Variants in EIF3B observed in about 807,000 individuals in gnomAD.
EIF3B encodes eukaryotic translation initiation factor 3 subunit B, also known as eukaryotic translation initiation factor 3 subunit 9.
Under a neutral mutation model 104.6 loss-of-function variants are expected in EIF3B, and 10 were observed. The observed-to-expected ratio is 0.10, with a 90% confidence interval of 0.06 to 0.16. EIF3B has a LOEUF of 0.16. Among genes scored for constraint, EIF3B ranks in the 10% least tolerant of loss-of-function variants. The probability of loss-of-function intolerance (pLI) is 1.00; values close to 1 mark genes in which losing one functional copy is unlikely to be tolerated. For missense variants in EIF3B, 1,014 were observed against 1,087.9 expected, an observed-to-expected ratio of 0.93 and a Z score of 0.96; for synonymous variants, 542 against 417.2, an observed-to-expected ratio of 1.30 and a Z score of -3.65.
In EIF3B at chr7:2,363,742, C is replaced by G. The variant is rs201106605; in HGVS notation, c.981C>G (p.Val327=). 5.0e-6 allele frequency: 8 copies of G among 1,613,968 alleles called. No homozygotes were observed. The African/African-American group carries it at 8.0e-5, about 16-fold the overall frequency. ...TCTGGAATGACGTAAAAGACCCTGT[C>G]TCAATTGAAGAAAGAGCGGTGTGTA... is the stretch of plus-strand genomic sequence containing the variant. ...SIFWNDVKDP[V]SIEERARWTE... is the part of the protein sequence containing the mutation. The change falls in exon 5 of 19, where the codon GTC becomes GTG. Residue 327 remains valine, a synonymous_variant. Transcript: ENST00000360876.
chr7:2,366,670 C>A, intron 8 of EIF3B, 79 bp downstream of exon 8: 1 of 1,524,296 alleles, frequency 6.6e-7, no homozygotes, highest in Non-Finnish European at 9.1e-7. Flanking sequence ...CTTATTTGTG[C>A]TAGAAGAGGA....
At chr7:2,362,008 G>A (rs980956776) in intron 2 of EIF3B, among the ~76,000 whole-genome samples, 4 of 152,040 alleles carry the variant, frequency 2.6e-5, no homozygotes, top group African/African-American at 9.7e-5. Context: ...CACCCAGGCT[G>A]GAGTGCAGTG....
chr7:2,369,600 A>T lies in EIF3B; in HGVS notation c.1532A>T (p.Asn511Ile). Residue 511 changes from asparagine to isoleucine, a missense_variant, in exon 10 of 19, where the codon AAT becomes ATT. Physicochemically the swap from Asn to Ile is moderately radical, Grantham distance 149. Transcript: ENST00000360876. ...GAGATCCGAGTGAGGAACCTGTTCA[A>T]TGTGGTGGACTGCAAGCTCCATTGG... The part of the protein sequence containing the change: ...RQEIRVRNLF[N>I]VVDCKLHWQK... The T allele has an allele frequency of 3.1e-6, 5 of 1,614,042 alleles. No individual in the cohort carries two copies. The highest frequency in any genetic ancestry group is 4.2e-6 in the Non-Finnish European group (5 of 1,180,010).
chr7:2,366,515 T>C lies in EIF3B; in HGVS notation c.1290-10T>C, dbSNP rs370608315. 4 of 1,614,058 alleles carry C rather than the reference T, an allele frequency of 2.5e-6. No homozygotes were observed. In the African/African-American group the frequency reaches 5.3e-5, roughly 22 times the overall value. On this transcript the variant is annotated splice_polypyrimidine_tract_variant and intron_variant, in intron 7 of 18. Coordinates refer to ENST00000360876, the MANE Select transcript of EIF3B (RefSeq NM_001037283.2). The stretch of plus-strand genomic sequence containing the variant: ...TCATGGGAATACCCTGGCACTTTTG[T>C]TTTTCTTAGGTGGAGCCATGATGGC...
chr7:2,363,359 T>C (rs1451101005), intron 4 of EIF3B, among the ~76,000 whole-genome samples: 3 of 151,898 alleles, frequency 2.0e-5, no homozygotes, highest in Non-Finnish European at 4.4e-5. Flanking sequence ...CCTGGGAGGC[T>C]GAGGGGGGAG....
intron 9 of EIF3B, among the ~76,000 whole-genome samples, chr7:2,367,479 G>T: frequency 6.6e-6 from 1 of 151,886 alleles, no homozygotes; most frequent in East Asian, 1.9e-4. Flanking sequence ...TCAGCTTTTT[G>T]TTGTTGTTGT....
At chr7:2,367,117 AAAC>A (rs1217922589) in intron 9 of EIF3B, 72 bp downstream of exon 9, 389 of 1,337,354 alleles carry the variant, frequency 2.9e-4, no homozygotes, top group Non-Finnish European at 3.7e-4. Flanking sequence ...AAAAAAAAAA[AAAC>A]ACAATACCAT....
At chr7:2,375,909 C>T (rs552809443) in intron 14 of EIF3B, 8 of 187,748 alleles carry the variant, frequency 4.3e-5, no homozygotes, top group South Asian at 3.0e-4. Context: ...ACCCACAACT[C>T]GTATTCCAAA....
rs993755036 is a variant in EIF3B, at chr7:2,360,741, C to G, written c.531C>G (p.Pro177=). 6.3e-7 allele frequency: 1 copy of G among 1,596,116 alleles called. No individual in the cohort carries two copies. Among genetic ancestry groups the G allele is most frequent in the Admixed American group, 1.7e-5 (1 of 59,448 alleles). The change falls in exon 2 of 19, where the codon CCC becomes CCG. Residue 177 remains proline (P), a synonymous_variant. Transcript: ENST00000360876. ...ELLGDVLKDR[P]QEADGIDSVI... ...TGGGAGATGTACTCAAAGATCGGCC[C>G]CAGGAAGCAGATGGAATCGATTCGG... is the stretch of plus-strand genomic sequence containing the variant.
chr7:2,371,027 C>A (rs562979458), intron 10 of EIF3B, among the ~76,000 whole-genome samples: 1 of 152,216 alleles, frequency 6.6e-6, no homozygotes, highest in East Asian at 1.9e-4. Context: ...TGCACCACTG[C>A]ACTCCAGCCT....
chr7:2,378,770 A>T lies in EIF3B; in HGVS notation c.2232+4A>T, dbSNP rs1454686912. 1.9e-6 allele frequency: 3 copies of T among 1,613,204 alleles called. No individual in the cohort carries two copies. In the Admixed American group the frequency reaches 5.0e-5, roughly 27 times the overall value. On this transcript the variant is annotated splice_donor_region_variant and intron_variant, in intron 16 of 18. Coordinates refer to ENST00000360876, the MANE Select transcript of EIF3B (RefSeq NM_001037283.2). ...GAGTCAGTCCAAAGCCTCAAAGGTGAGCCTCATTCCCAAAATGAGGGCTGT... is the reference window on the plus strand; with the variant it reads ...GAGTCAGTCCAAAGCCTCAAAGGTGTGCCTCATTCCCAAAATGAGGGCTGT...
intron 9 of EIF3B, among the ~76,000 whole-genome samples, chr7:2,368,959 T>C (rs968143978): frequency 3.3e-5 from 5 of 152,238 alleles, no homozygotes; most frequent in Admixed American, 1.3e-4. Flanking sequence ...AAAGATGTTT[T>C]TCATGTAGGT....
At chr7:2,367,580 C>G (rs1375851640) in intron 9 of EIF3B, among the ~76,000 whole-genome samples, 4 of 152,084 alleles carry the variant, frequency 2.6e-5, no homozygotes, top group Admixed American at 1.3e-4. Context: ...AGTGATTCTT[C>G]TGCCTCAACC....
At position 2,378,764 on chromosome 7, in the gene EIF3B, A is replaced by G. The variant is rs1403998405; in HGVS notation, c.2230A>G (p.Lys744Glu). The change falls in exon 16 of 19, where the codon AAG becomes GAG. Residue 744 changes from lysine to glutamate, a missense_variant and splice_region_variant. Coordinates refer to ENST00000360876, the MANE Select transcript of EIF3B (RefSeq NM_001037283.2). ...KDRLSQSKAS[K>E]ELVERRRTMM... ...TCGTTTGAGTCAGTCCAAAGCCTCA[A>G]AGGTGAGCCTCATTCCCAAAATGAG... The G allele has an allele frequency of 6.2e-6, 10 of 1,613,574 alleles. No individual in the cohort carries two copies. The highest frequency in any genetic ancestry group is 3.3e-5 in the Admixed American group (2 of 60,008).
intron 10 of EIF3B, among the ~76,000 whole-genome samples, chr7:2,370,666 T>G (rs1311001694): frequency 6.6e-6 from 1 of 152,120 alleles, no homozygotes; most frequent in Non-Finnish European, 1.5e-5. Context: ...CAGAACGTTT[T>G]CATCGGCTGG....
At chr7:2,366,167 G>A (rs1214882528) in intron 6 of EIF3B, 150 bp from the exon 7 acceptor site, 19 of 728,876 alleles carry the variant, frequency 2.6e-5, no homozygotes, top group Admixed American at 6.3e-5. Context: ...GCTGCTTCCC[G>A]CTTCCGCTTG....
chr7:2,355,339 C>T lies in EIF3B; in HGVS notation c.418C>T (p.Pro140Ser), dbSNP rs376446348. 139 of 1,540,886 alleles carry T rather than the reference C, an allele frequency of 9.0e-5. No homozygotes were observed. Among genetic ancestry groups the T allele is most frequent in the Middle Eastern group, 3.4e-4 (2 of 5,896 alleles). ...CGAGGGCAGAGCGGCCGAGGCCGAA[C>T]CCCGGGCGCTGGAGAACGGCGACGC... ...GNEGRAAEAE[P>S]RALENGDADE... Residue 140 changes from proline (P) to serine (S), a missense_variant, in exon 1 of 19, where the codon CCC (proline) becomes TCC (serine). Pro to Ser is a moderately conservative substitution (Grantham distance 74). Coordinates refer to ENST00000360876, the MANE Select transcript of EIF3B (RefSeq NM_001037283.2).
intron 6 of EIF3B, among the ~76,000 whole-genome samples, chr7:2,365,667 G>GTGTTT (rs1562481811): frequency 2.8e-5 from 3 of 107,850 alleles, no homozygotes; most frequent in Non-Finnish European, 2.1e-5. Context: ...TTGTTTGTTT[G>GTGTTT]TTTGTTTGTT....
intron 1 of EIF3B, among the ~76,000 whole-genome samples, chr7:2,355,682 A>G (rs994071242): frequency 2.0e-5 from 3 of 152,112 alleles, no homozygotes; most frequent in Non-Finnish European, 2.9e-5. Context: ...TGACAACCAG[A>G]AATCTGAGAG....
Sources: gnomAD v4.1 joint callset for allele counts (sites outside exome capture counted in the v4.1 genomes callset) on GRCh38, gnomAD v4.1.1 for gene constraint, MANE v1.5 for transcripts, NCBI Gene and HGNC (gene_info 2026-07-23, HGNC 2026-07-21) for gene names.